Variants in MTRR observed in about 807,000 individuals in gnomAD.
The protein encoded by MTRR is methionine synthase reductase.
A neutral mutation model predicts 79.2 loss-of-function variants in MTRR; 63 were observed. The ratio of observed to expected loss-of-function variants is 0.80; its 90% confidence interval spans 0.65 to 0.98. MTRR has a LOEUF of 0.98. MTRR is among the 50% of genes least tolerant of loss of function. The pLI is 0.00. For synonymous variants in MTRR, 355 were observed against 313.3 expected (o/e 1.13, Z -1.41); for missense variants, 895 against 839.6 (o/e 1.07, Z -0.82).
rs1176456057 is a variant in MTRR, at chr5:7,870,771, T to C, written c.-24T>C. 6.2e-7 allele frequency: 1 copy of C among 1,614,106 alleles called. No homozygotes were observed. Among genetic ancestry groups the C allele is most frequent in the African/African-American group, 1.3e-5 (1 of 74,954 alleles). ...GATCTTTTTTCCCCCATTTTTCAGTTTCACTGTTACATGCCTTGAAGTGAT... is the reference window on the plus strand; with the variant it reads ...GATCTTTTTTCCCCCATTTTTCAGTCTCACTGTTACATGCCTTGAAGTGAT... On this transcript the variant is annotated splice_region_variant and 5_prime_UTR_variant, in exon 2 of 15. Coordinates refer to ENST00000440940, the MANE Select transcript of MTRR (RefSeq NM_002454.3).
At chr5:7,868,701 A>C (rs1452533795), upstream of MTRR, among the ~76,000 whole-genome samples, 2 of 152,188 alleles carry the variant, frequency 1.3e-5, no homozygotes, top group African/African-American at 2.4e-5. Context: ...AAAAAGCAAA[A>C]CATAGATCAA....
Position 7,871,010 on chromosome 5 carries a change from A to G in MTRR, c.129+87A>G, listed in dbSNP as rs1018684150. 12 of 1,408,448 alleles carry G rather than the reference A, an allele frequency of 8.5e-6. No individual in the cohort carries two copies. In the Admixed American group the frequency reaches 1.0e-4, roughly 12 times the overall value. 87.2% of individuals were successfully genotyped at this position (1,408,448 alleles called of 1,614,324 possible). On this transcript the variant is annotated intron_variant, in intron 2 of 14. Transcript: ENST00000440940. Reference sequence around the variant, plus strand: ...ATATTTATGAAACAAAAGGACACTAATACCACCACATAGTCTTTGTTTTTT... The same window carrying G: ...ATATTTATGAAACAAAAGGACACTAGTACCACCACATAGTCTTTGTTTTTT...
intron 14 of MTRR, among the ~76,000 whole-genome samples, chr5:7,898,433 AC>A (rs202034941): frequency 7.6e-5 from 2 of 26,164 alleles, no homozygotes; most frequent in Non-Finnish European, 1.4e-4. Flanking sequence ...CTGGTGCTTT[AC>A]TTTGTCACAT....
At chr5:7,891,186 G>A (rs966752636) in intron 9 of MTRR, among the ~76,000 whole-genome samples, 186 bp from the exon 10 acceptor site, 1 of 151,280 alleles carries the variant, frequency 6.6e-6, no homozygotes, top group Non-Finnish European at 1.5e-5. Context: ...AACTTTAGGA[G>A]TTGAAAGAAA....
rs1337439643 is a variant in MTRR, at chr5:7,884,775, C to T, written c.904-926C>T. Among the ~76,000 whole-genome samples the T allele has an allele frequency of 7.2e-5, 11 of 152,006 alleles. No individual in the cohort carries two copies. The East Asian group carries it at 1.3e-3, about 19-fold the overall frequency. On this transcript the variant is annotated intron_variant, in intron 6 of 14. Transcript: ENST00000440940. ...CCTCTTCAAAGTCATTTAGCTCAAC[C>T]GTTTATTTTATGAAAGTCTTGAGAG...
intron 2 of MTRR, among the ~76,000 whole-genome samples, chr5:7,871,867 A>G (rs1418075175): frequency 6.6e-6 from 1 of 152,244 alleles, no homozygotes; most frequent in Non-Finnish European, 1.5e-5. Flanking sequence ...TTGCAGTGCC[A>G]CATGATGAAG....
At chr5:7,880,521 A>T (rs162032) in intron 5 of MTRR, among the ~76,000 whole-genome samples, 4 of 152,098 alleles carry the variant, frequency 2.6e-5, no homozygotes, top group African/African-American at 7.2e-5. Flanking sequence ...CCCAGGATTT[A>T]TGTGGTTTTT....
intron 1 of MTRR, among the ~76,000 whole-genome samples, chr5:7,852,449 G>T (rs1746104988): frequency 6.6e-6 from 1 of 151,982 alleles, no homozygotes; most frequent in African/African-American, 2.4e-5. Flanking sequence ...TGCCTTCTTT[G>T]TCCCACTAAC....
upstream of MTRR, chr5:7,867,554 C>T (rs887032322): frequency 6.2e-7 from 1 of 1,614,260 alleles, no homozygotes; most frequent in Non-Finnish European, 8.5e-7. Context: ...AGTCACTAAA[C>T]TAGTGTTTGA....
chr5:7,887,383 T>G (rs1280481103), intron 8 of MTRR, among the ~76,000 whole-genome samples: 1 of 151,976 alleles, frequency 6.6e-6, no homozygotes, highest in East Asian at 1.9e-4. Context: ...CAAATGTGCC[T>G]TGCCACACTT....
At chr5:7,851,101 A>G (rs1579508649), upstream of MTRR, 1 of 1,225,562 alleles carries the variant, frequency 8.2e-7, no homozygotes, top group Non-Finnish European at 1.0e-6. Context: ...TGCAGGCCTC[A>G]GGTTGCTCAG....
chr5:7,870,873 GT>G lies in MTRR; in HGVS notation c.80del (p.Val27GlyfsTer20), dbSNP rs1169236552. 2 of 1,614,178 alleles carry G rather than the reference GT, an allele frequency of 1.2e-6. No individual in the cohort carries two copies. The highest frequency in any genetic ancestry group is 1.7e-6 in the Non-Finnish European group (2 of 1,180,020). ...AIAEEICEQA[V>X]VHGFSADLHC... ...CGCAGAAGAAATATGTGAGCAAGCTGTGGTACATGGATTTTCTGCAGATCTT... is the reference window on the plus strand; with the variant it reads ...CGCAGAAGAAATATGTGAGCAAGCTGGGTACATGGATTTTCTGCAGATCTT... On this transcript the variant is annotated frameshift_variant, in exon 2 of 15. Coordinates refer to ENST00000440940, the MANE Select transcript of MTRR (RefSeq NM_002454.3). LOFTEE classifies it high-confidence loss of function.
intron 14 of MTRR, 36 bp from the exon 15 acceptor site, chr5:7,899,878 G>C (rs755845155): frequency 1.9e-6 from 3 of 1,613,644 alleles, no homozygotes; most frequent in Admixed American, 1.7e-5. Context: ...AAAAATGCCT[G>C]TTTGTAAGCA....
upstream of MTRR, chr5:7,850,958 C>A: frequency 7.5e-7 from 1 of 1,331,190 alleles, no homozygotes; most frequent in Non-Finnish European, 9.6e-7. Flanking sequence ...TGCGCCGAGA[C>A]GGGCGGCGGC....
At chr5:7,879,776 T>C (rs1390257120) in intron 5 of MTRR, among the ~76,000 whole-genome samples, 1 of 152,200 alleles carries the variant, frequency 6.6e-6, no homozygotes, top group African/African-American at 2.4e-5. Context: ...ATGGTACCTT[T>C]CTGCCATGTG....
intron 1 of MTRR, among the ~76,000 whole-genome samples, chr5:7,857,644 CTG>C (rs1746288095): frequency 6.6e-6 from 1 of 152,220 alleles, no homozygotes; most frequent in Non-Finnish European, 1.5e-5. Flanking sequence ...AGAGCCTTGA[CTG>C]TGTGTCAGGG....
At chr5:7,869,374 C>T (rs1374641225) in intron 1 of MTRR, 159 bp downstream of exon 1, 1 of 749,690 alleles carries the variant, frequency 1.3e-6, no homozygotes, top group East Asian at 2.7e-5. Flanking sequence ...GGCTGGGGCT[C>T]GGACTTGGCC....
At position 7,899,962 on chromosome 5, in the gene MTRR, A is replaced by G. The variant is rs1186554585; in HGVS notation, c.2001A>G (p.Ile667Met). Residue 667 changes from isoleucine (I) to methionine (M), a missense_variant, in exon 15 of 15, where the codon ATA (isoleucine) becomes ATG (methionine). Transcript: ENST00000440940. Reference protein sequence around the residue: ...AKDVHDALVQIISKEVGVEKL... With the variant: ...AKDVHDALVQMISKEVGVEKL... ...ATGTACATGATGCCCTTGTGCAAAT[A>G]ATAAGCAAAGAGGTTGGAGTTGAAA... 1.9e-6 allele frequency: 3 copies of G among 1,614,216 alleles called. No homozygotes were observed. The South Asian group carries it at 3.3e-5, about 18-fold the overall frequency.
chr5:7,865,580 C>A (rs1746886921), upstream of MTRR, among the ~76,000 whole-genome samples: 1 of 152,170 alleles, frequency 6.6e-6, no homozygotes, highest in Admixed American at 6.5e-5. Context: ...TAACAAACAG[C>A]TATGGGAAAC....
Sources: allele counts gnomAD v4.1 joint callset (sites outside exome capture counted in the v4.1 genomes callset), GRCh38; gene constraint gnomAD v4.1.1; transcripts MANE v1.5; gene names NCBI Gene and HGNC (gene_info 2026-07-23, HGNC 2026-07-21).